The following SUGCT variants were observed in gnomAD, a reference collection of about 807,000 sequenced individuals.
SUGCT encodes the protein succinyl-CoA:glutarate CoA-transferase.
In SUGCT, 41 loss-of-function variants were observed where a neutral mutation model predicts 55.0. The observed-to-expected ratio is 0.74, with a 90% confidence interval of 0.58 to 0.97. SUGCT has a LOEUF of 0.97. SUGCT is among the 50% of genes least tolerant of loss of function. The pLI is 0.00. For missense variants in SUGCT, 568 were observed against 547.8 expected (o/e 1.04, Z -0.37); for synonymous variants, 187 against 200.4 (o/e 0.93, Z 0.56).
intron 12 of SUGCT, among the ~76,000 whole-genome samples, chr7:40,575,431 T>C (rs1383960674): frequency 6.6e-6 from 1 of 152,160 alleles, no homozygotes; most frequent in Non-Finnish European, 1.5e-5. Context: ...AATTACTACT[T>C]GATTCAAAAT....
At chr7:40,819,612 T>G (rs1791872002) in intron 13 of SUGCT, among the ~76,000 whole-genome samples, 1 of 152,218 alleles carries the variant, frequency 6.6e-6, no homozygotes, top group Non-Finnish European at 1.5e-5. Flanking sequence ...GTTGTTTGAT[T>G]TTTTCTTGTA....
intron 12 of SUGCT, among the ~76,000 whole-genome samples, chr7:40,687,606 C>T (rs543044376): frequency 4.6e-5 from 7 of 152,246 alleles, no homozygotes; most frequent in African/African-American, 1.4e-4. Flanking sequence ...CTCAAAATTT[C>T]GTAGAGAACT....
At chr7:40,413,403 AT>A (rs1786799707) in intron 9 of SUGCT, among the ~76,000 whole-genome samples, 2 of 152,264 alleles carry the variant, frequency 1.3e-5, no homozygotes, top group African/African-American at 4.8e-5. Flanking sequence ...GGAAAGTCAG[AT>A]TCCTAAGTCA....
intron 9 of SUGCT, among the ~76,000 whole-genome samples, chr7:40,429,403 C>T (rs552860398): frequency 9.9e-5 from 15 of 152,214 alleles, no homozygotes; most frequent in East Asian, 5.8e-4. Flanking sequence ...TTGACTCACA[C>T]GATCACAAGG....
chr7:40,843,115 A>G (rs1487519269), intron 13 of SUGCT, among the ~76,000 whole-genome samples: 1 of 152,224 alleles, frequency 6.6e-6, no homozygotes, highest in African/African-American at 2.4e-5. Flanking sequence ...AGAGAAAGAC[A>G]GATAAAGAAT....
intron 12 of SUGCT, among the ~76,000 whole-genome samples, chr7:40,737,681 G>A (rs1787236602): frequency 6.6e-6 from 1 of 152,126 alleles, no homozygotes; most frequent in Admixed American, 6.5e-5. Context: ...AATTGATACG[G>A]GGATAACTGG....
chr7:40,395,471 A>G (rs148383981), intron 9 of SUGCT, among the ~76,000 whole-genome samples: 3 of 147,630 alleles, frequency 2.0e-5, no homozygotes, highest in African/African-American at 5.0e-5. Flanking sequence ...CTTGGGCTAC[A>G]AGAGAGAAAC....
At chr7:40,345,759 G>T (rs1047061793) in intron 9 of SUGCT, among the ~76,000 whole-genome samples, 3 of 152,052 alleles carry the variant, frequency 2.0e-5, no homozygotes, top group African/African-American at 7.2e-5. Flanking sequence ...TTGATAGAAA[G>T]TAAATTATAT....
chr7:40,274,073 C>CTTTTTTTTTTTTTTTTTTTT (rs386409972), intron 7 of SUGCT, among the ~76,000 whole-genome samples: 2 of 68,002 alleles, frequency 2.9e-5, no homozygotes, highest in South Asian at 6.2e-4. Flanking sequence ...TTTTTACCTT[C>CTTTTTTTTTTTTTTTTTTTT]TTTTTTTTTT....
intron 12 of SUGCT, among the ~76,000 whole-genome samples, chr7:40,628,453 C>A (rs1456213229): frequency 6.6e-6 from 1 of 152,184 alleles, no homozygotes; most frequent in Non-Finnish European, 1.5e-5. Context: ...TCAGAGTATG[C>A]CATTTAAATT....
chr7:40,631,997 C>T (rs979935786), intron 12 of SUGCT, among the ~76,000 whole-genome samples: 3 of 152,146 alleles, frequency 2.0e-5, no homozygotes, highest in Non-Finnish European at 2.9e-5. Context: ...TGCAGATGCT[C>T]CCAAGCCAGA....
At chr7:40,502,915 A>T (rs1184605108) in intron 12 of SUGCT, among the ~76,000 whole-genome samples, 3 of 152,174 alleles carry the variant, frequency 2.0e-5, no homozygotes. Context: ...TCGTATTTTA[A>T]AAGTCCTATA....
At chr7:40,384,516 G>A (rs1785019192) in intron 9 of SUGCT, among the ~76,000 whole-genome samples, 1 of 151,858 alleles carries the variant, frequency 6.6e-6, no homozygotes. Context: ...TGGTCTTACT[G>A]CTAGGTGCCA....
chr7:40,672,445 A>G (rs1453809486), intron 12 of SUGCT, among the ~76,000 whole-genome samples: 3 of 152,244 alleles, frequency 2.0e-5, no homozygotes, highest in Non-Finnish European at 2.9e-5. Flanking sequence ...ATGCCCAGAG[A>G]AAAAGACAAT....
chr7:40,896,685 C>T, the SUGCT span, among the ~76,000 whole-genome samples: 1 of 152,274 alleles, frequency 6.6e-6, no homozygotes, highest in East Asian at 1.9e-4. Context: ...CCTCCCCAGC[C>T]CCATGGAACT....
intron 3 of SUGCT, among the ~76,000 whole-genome samples, chr7:40,188,022 G>C (rs971329242): frequency 6.6e-6 from 1 of 151,098 alleles, no homozygotes; most frequent in Non-Finnish European, 1.5e-5. Flanking sequence ...AAAATTAGCC[G>C]GGCATGTTGG....
chr7:40,150,466 T>TAAG (rs542972091), intron 1 of SUGCT, among the ~76,000 whole-genome samples: 197 of 152,072 alleles, frequency 1.3e-3, no homozygotes, highest in African/African-American at 4.5e-3. Flanking sequence ...GCCAGGAGTT[T>TAAG]AAGACCAGCC....
chr7:40,372,369 A>G (rs1268576755), intron 9 of SUGCT, among the ~76,000 whole-genome samples: 1 of 152,102 alleles, frequency 6.6e-6, no homozygotes, highest in Non-Finnish European at 1.5e-5. Context: ...GACGAATGAA[A>G]CTAATTGTAA....
the SUGCT span, among the ~76,000 whole-genome samples, chr7:40,896,917 A>G: frequency 5.3e-5 from 8 of 152,234 alleles, no homozygotes; most frequent in Non-Finnish European, 1.0e-4. Flanking sequence ...CTCGAACAAA[A>G]AGAACAAAGC....
Sources: gnomAD v4.1 joint callset for allele counts (sites outside exome capture counted in the v4.1 genomes callset) on GRCh38, gnomAD v4.1.1 for gene constraint, MANE v1.5 for transcripts, NCBI Gene and HGNC (gene_info 2026-07-23, HGNC 2026-07-21) for gene names.